The following DLGAP2 variants were observed in gnomAD, a reference collection of about 807,000 sequenced individuals.
The protein encoded by DLGAP2 is DLG associated protein 2.
A neutral mutation model predicts 100.3 loss-of-function variants in DLGAP2; 26 were observed. The ratio of observed to expected loss-of-function variants is 0.26; its 90% CI spans 0.19 to 0.36. The LOEUF is 0.36. Among genes scored for constraint, DLGAP2 ranks in the 10% least tolerant of loss-of-function variants. The probability of loss-of-function intolerance (pLI) is 1.00; values close to 1 mark genes in which losing one functional copy is unlikely to be tolerated. For missense variants in DLGAP2, 1,858 were observed against 1,453.2 expected (o/e 1.28, Z -4.53); for synonymous variants, 886 against 630.1 (o/e 1.41, Z -6.08).
chr8:1,174,482 A>G (rs1352973051), intron 2 of DLGAP2, among the ~76,000 whole-genome samples: 3 of 152,008 alleles, frequency 2.0e-5, no homozygotes, highest in Non-Finnish European at 4.4e-5. Flanking sequence ...CATTACCATC[A>G]TCATCATCAT....
chr8:1,423,576 C>T (rs1309595430), intron 3 of DLGAP2, among the ~76,000 whole-genome samples: 5 of 152,216 alleles, frequency 3.3e-5, no homozygotes, highest in African/African-American at 7.2e-5. Flanking sequence ...TTGAAAAGCA[C>T]GACTTCCAGG....
chr8:901,320 C>G (rs931624464), intron 1 of DLGAP2, among the ~76,000 whole-genome samples: 1 of 152,218 alleles, frequency 6.6e-6, no homozygotes, highest in Non-Finnish European at 1.5e-5. Context: ...AAGGCTTAAA[C>G]AGTAATGCAG....
intron 2 of DLGAP2, among the ~76,000 whole-genome samples, chr8:1,180,878 G>A (rs1230289763): frequency 9.4e-6 from 1 of 106,150 alleles, no homozygotes; most frequent in Non-Finnish European, 2.0e-5. Flanking sequence ...GGTGCATGTT[G>A]TGTGTAAGGG....
chr8:1,287,913 TAGG>T (rs1282814106), intron 3 of DLGAP2, among the ~76,000 whole-genome samples: 7 of 127,940 alleles, frequency 5.5e-5, no homozygotes, highest in Admixed American at 2.5e-4. Context: ...GTGGTTTTGT[TAGG>T]AGGGGAACTA....
chr8:823,840 C>A (rs943465834), intron 1 of DLGAP2, among the ~76,000 whole-genome samples: 1 of 152,136 alleles, frequency 6.6e-6, no homozygotes, highest in East Asian at 1.9e-4. Flanking sequence ...CAAGAGTCTG[C>A]GGCCTGGGTC....
chr8:1,629,924 G>C (rs1324459708), intron 7 of DLGAP2, among the ~76,000 whole-genome samples: 1 of 152,142 alleles, frequency 6.6e-6, no homozygotes, highest in Non-Finnish European at 1.5e-5. Flanking sequence ...TGCTTTTGAT[G>C]AACCCAAGAT....
intron 3 of DLGAP2, among the ~76,000 whole-genome samples, chr8:1,349,772 G>A (rs1477412419): frequency 6.6e-6 from 1 of 152,218 alleles, no homozygotes; most frequent in African/African-American, 2.4e-5. Flanking sequence ...TTCCCCATTA[G>A]ACCACTGGTG....
intron 2 of DLGAP2, among the ~76,000 whole-genome samples, chr8:916,142 G>A (rs530104835): frequency 1.4e-4 from 22 of 151,728 alleles, no homozygotes; most frequent in South Asian, 6.3e-4. Context: ...CACTGTAGAC[G>A]CTCCGCACTC....
At chr8:1,153,627 T>C (rs1373260877) in intron 2 of DLGAP2, among the ~76,000 whole-genome samples, 2 of 152,198 alleles carry the variant, frequency 1.3e-5, no homozygotes, top group African/African-American at 4.8e-5. Context: ...ACCAATATTT[T>C]TTAGACTTTT....
At chr8:1,229,044 A>G (rs1170461259) in intron 2 of DLGAP2, among the ~76,000 whole-genome samples, 1 of 152,234 alleles carries the variant, frequency 6.6e-6, no homozygotes, top group Admixed American at 6.5e-5. Flanking sequence ...TTCCTAACAA[A>G]TTATTAGAAA....
chr8:993,723 T>G (rs1800697614), intron 2 of DLGAP2, among the ~76,000 whole-genome samples: 1 of 149,754 alleles, frequency 6.7e-6, no homozygotes, highest in Non-Finnish European at 1.5e-5. Flanking sequence ...TATTTCAACA[T>G]AGTGGCCAGA....
chr8:1,091,667 G>A (rs1279291877), intron 2 of DLGAP2, among the ~76,000 whole-genome samples: 1 of 152,132 alleles, frequency 6.6e-6, no homozygotes, highest in Non-Finnish European at 1.5e-5. Context: ...CGGATGCTAT[G>A]GAGAGATCAT....
At chr8:919,534 C>T (rs1798665390) in intron 2 of DLGAP2, among the ~76,000 whole-genome samples, 1 of 152,186 alleles carries the variant, frequency 6.6e-6, no homozygotes, top group Non-Finnish European at 1.5e-5. Flanking sequence ...CCACCATCCA[C>T]CCAGTTAACA....
intron 1 of DLGAP2, among the ~76,000 whole-genome samples, chr8:814,106 G>C (rs757962561): frequency 2.0e-5 from 3 of 152,190 alleles, no homozygotes; most frequent in Non-Finnish European, 4.4e-5. Context: ...GATTTCTTCT[G>C]TAAAATAAGA....
chr8:986,234 G>C (rs1054844088), intron 2 of DLGAP2, among the ~76,000 whole-genome samples: 1 of 152,180 alleles, frequency 6.6e-6, no homozygotes, highest in Non-Finnish European at 1.5e-5. Context: ...CACAGCAGGG[G>C]TAGGGAGAGC....
At chr8:751,824 ACAC>A (rs1820798358) in intron 1 of DLGAP2, among the ~76,000 whole-genome samples, 4 of 152,054 alleles carry the variant, frequency 2.6e-5, no homozygotes, top group African/African-American at 4.8e-5. Context: ...AGTTCATCTG[ACAC>A]TTCATAGTAA....
intron 2 of DLGAP2, among the ~76,000 whole-genome samples, chr8:1,078,835 T>G (rs540238728): frequency 3.0e-4 from 46 of 152,324 alleles, no homozygotes; most frequent in African/African-American, 1.0e-3. Flanking sequence ...CTTCCAAGTT[T>G]TGTCAGCTAG....
At chr8:867,100 G>A (rs747817278) in intron 1 of DLGAP2, among the ~76,000 whole-genome samples, 18 of 152,174 alleles carry the variant, frequency 1.2e-4, no homozygotes, top group Admixed American at 9.2e-4. Flanking sequence ...TTCGTGTGCC[G>A]CCTACCGGCC....
intron 1 of DLGAP2, among the ~76,000 whole-genome samples, chr8:816,766 C>G (rs564567698): frequency 2.4e-4 from 37 of 152,268 alleles, no homozygotes; most frequent in African/African-American, 8.2e-4. Flanking sequence ...GTGTCTAGAT[C>G]TCTAGTAAAA....
Sources: allele counts gnomAD v4.1 joint callset (sites outside exome capture counted in the v4.1 genomes callset), GRCh38; gene constraint gnomAD v4.1.1; transcripts MANE v1.5; gene names NCBI Gene and HGNC (gene_info 2026-07-23, HGNC 2026-07-21).